The following SHANK2 variants were observed in gnomAD, a reference collection of about 807,000 sequenced individuals.
The protein encoded by SHANK2 is SH3 and multiple ankyrin repeat domains 2.
In SHANK2, 43 loss-of-function variants were observed where a neutral mutation model predicts 133.7. The observed-to-expected ratio is 0.32, with a 90% CI of 0.25 to 0.41. The LOEUF (loss-of-function observed/expected upper bound fraction) is 0.41. SHANK2 is among the 10% of genes least tolerant of loss of function. SHANK2 has a pLI of 1.00. For synonymous variants in SHANK2, 1,017 were observed against 952.8 expected, an observed-to-expected ratio of 1.07 and a Z score of -1.24; for missense variants, 1,994 against 2,235.8, an observed-to-expected ratio of 0.89 and a Z score of 2.18.
intron 14 of SHANK2, among the ~76,000 whole-genome samples, chr11:70,784,343 GTTTTT>G (rs71049942): frequency 6.0e-3 from 259 of 42,832 alleles, no homozygotes; most frequent in African/African-American, 0.019. Flanking sequence ...ACACCGGCTA[GTTTTT>G]TTTTTTTTTT....
chr11:71,183,099 G>A (rs1361514504), intron 2 of SHANK2, among the ~76,000 whole-genome samples: 1 of 150,976 alleles, frequency 6.6e-6, no homozygotes, highest in Non-Finnish European at 1.5e-5. Flanking sequence ...CAAGGCTCTT[G>A]ACAGTTTCGA....
intron 2 of SHANK2, among the ~76,000 whole-genome samples, chr11:71,204,734 G>A (rs1381941651): frequency 6.6e-6 from 1 of 152,156 alleles, no homozygotes; most frequent in African/African-American, 2.4e-5. Context: ...ACAAGACCAA[G>A]AATGCACTCA....
At chr11:70,574,154 C>T (rs568177096) in intron 17 of SHANK2, among the ~76,000 whole-genome samples, 8 of 152,388 alleles carry the variant, frequency 5.2e-5, no homozygotes, top group African/African-American at 1.9e-4. Context: ...CTCATGGCGG[C>T]CCCTGCCCAA....
intron 10 of SHANK2, among the ~76,000 whole-genome samples, chr11:70,906,369 T>C (rs782082875): frequency 6.6e-6 from 1 of 152,152 alleles, no homozygotes; most frequent in Non-Finnish European, 1.5e-5. Flanking sequence ...GCCCACAGTG[T>C]GACCTGTTCC....
chr11:70,642,626 T>A (rs2061199624), intron 17 of SHANK2, among the ~76,000 whole-genome samples: 1 of 152,154 alleles, frequency 6.6e-6, no homozygotes, highest in Admixed American at 6.5e-5. Context: ...GGCTGCCACT[T>A]CCATCCTTCC....
At chr11:70,684,756 G>C (rs530996290) in intron 15 of SHANK2, among the ~76,000 whole-genome samples, 2 of 151,816 alleles carry the variant, frequency 1.3e-5, no homozygotes, top group Non-Finnish European at 2.9e-5. Flanking sequence ...GCCAGGGACA[G>C]TGCCCCTGGC....
intron 1 of SHANK2, among the ~76,000 whole-genome samples, chr11:71,246,645 T>C (rs1384327056): frequency 6.6e-6 from 1 of 152,002 alleles, no homozygotes; most frequent in African/African-American, 2.4e-5. Flanking sequence ...CTGAAATTGC[T>C]CAGTGGAGAA....
At chr11:71,142,271 C>T (rs181025267) in intron 3 of SHANK2, among the ~76,000 whole-genome samples, 15 of 151,986 alleles carry the variant, frequency 9.9e-5, no homozygotes, top group South Asian at 6.2e-4. Flanking sequence ...GAGGCCGAGA[C>T]GGGCAGATCA....
chr11:70,591,381 AAAAAAAG>A (rs2060319067), intron 17 of SHANK2, among the ~76,000 whole-genome samples: 1 of 151,954 alleles, frequency 6.6e-6, no homozygotes, highest in Non-Finnish European at 1.5e-5. Flanking sequence ...AAGAAAAAGA[AAAAAAAG>A]AAAAAAGAAG....
chr11:70,954,941 G>T (rs746524191), intron 10 of SHANK2, among the ~76,000 whole-genome samples: 1 of 152,348 alleles, frequency 6.6e-6, no homozygotes, highest in South Asian at 2.1e-4. Context: ...TGCTTCGTGG[G>T]ACCACATGGA....
At chr11:70,776,079 T>A (rs957860726) in intron 14 of SHANK2, among the ~76,000 whole-genome samples, 2 of 152,324 alleles carry the variant, frequency 1.3e-5, no homozygotes, top group East Asian at 3.9e-4. Flanking sequence ...GGTGTCCCAG[T>A]GCCAAGCAAG....
intron 3 of SHANK2, among the ~76,000 whole-genome samples, chr11:71,121,594 C>G (rs575654656): frequency 1.3e-3 from 203 of 152,292 alleles, no homozygotes; most frequent in African/African-American, 4.6e-3. Context: ...TCTATTTTAG[C>G]TTTTGTTGCC....
chr11:70,897,423 C>T (rs2135665948), intron 10 of SHANK2, among the ~76,000 whole-genome samples: 1 of 152,328 alleles, frequency 6.6e-6, no homozygotes, highest in Non-Finnish European at 1.5e-5. Flanking sequence ...AGCTGGGGGC[C>T]TTATGAGCAG....
At position 70,755,147 on chromosome 11, in the gene SHANK2, C is replaced by A. The variant is rs541948673; in HGVS notation, c.1777+43296G>T. 2.7e-3 allele frequency among the ~76,000 whole-genome samples: 412 copies of A among 152,006 alleles called. 2 individuals carry two copies. Among genetic ancestry groups the A allele is most frequent in the Non-Finnish European group, 4.8e-3 (324 of 67,978 alleles). On this transcript the variant is annotated intron_variant, in intron 14 of 25. Coordinates refer to ENST00000601538, the MANE Select transcript of SHANK2 (RefSeq NM_012309.5). ...AGTGCAGTGGCGTGACCTCGGCTCACTGCAACCTCTGCTTCCCAGGTTCAA... is the reference window on the plus strand; with the variant it reads ...AGTGCAGTGGCGTGACCTCGGCTCAATGCAACCTCTGCTTCCCAGGTTCAA...
chr11:70,672,072 T>C (rs113293229), intron 15 of SHANK2, among the ~76,000 whole-genome samples: 4 of 150,842 alleles, frequency 2.7e-5, no homozygotes, highest in African/African-American at 7.3e-5. Context: ...TTTTCTTTTT[T>C]TTTTTTTTTT....
chr11:70,833,235 G>C (rs1002537295), intron 11 of SHANK2, among the ~76,000 whole-genome samples: 4 of 152,258 alleles, frequency 2.6e-5, no homozygotes, highest in Non-Finnish European at 5.9e-5. Flanking sequence ...CACAGCACCA[G>C]GTATTCCATG....
chr11:70,929,736 C>T (rs1010627682), intron 10 of SHANK2, among the ~76,000 whole-genome samples: 1 of 152,244 alleles, frequency 6.6e-6, no homozygotes, highest in South Asian at 2.1e-4. Context: ...TTCATCACAT[C>T]TGCAAAGTCC....
At chr11:71,206,593 A>G (rs1423479947) in intron 2 of SHANK2, among the ~76,000 whole-genome samples, 1 of 152,148 alleles carries the variant, frequency 6.6e-6, no homozygotes, top group African/African-American at 2.4e-5. Context: ...CCATACCTCC[A>G]AAAAACTAGC....
At chr11:70,579,860 G>C (rs534344875) in intron 17 of SHANK2, among the ~76,000 whole-genome samples, 2 of 152,210 alleles carry the variant, frequency 1.3e-5, no homozygotes, top group East Asian at 3.8e-4. Context: ...GGTGAGGATG[G>C]AAGCAGAAGT....
Sources: gnomAD v4.1 joint callset for allele counts (sites outside exome capture counted in the v4.1 genomes callset) on GRCh38, gnomAD v4.1.1 for gene constraint, MANE v1.5 for transcripts, NCBI Gene and HGNC (gene_info 2026-07-23, HGNC 2026-07-21) for gene names.